The following CYP2E1 variants were observed in gnomAD, a reference collection of about 807,000 sequenced individuals.
CYP2E1 encodes cytochrome P450 2E1.
A neutral mutation model predicts 42.9 loss-of-function variants in CYP2E1; 31 were observed. The ratio of observed to expected loss-of-function variants is 0.72; its 90% confidence interval spans 0.54 to 0.98. The LOEUF is 0.98. Among genes scored for constraint, CYP2E1 ranks in the 50% least tolerant of loss-of-function variants. The pLI is 0.00. For synonymous variants in CYP2E1, 244 were observed against 248.9 expected (o/e 0.98, Z 0.19); for missense variants, 565 against 633.2 (o/e 0.89, Z 1.16).
chr10:133,532,174 A>G lies in CYP2E1; in HGVS notation c.538A>G (p.Ile180Val), dbSNP rs1851346672. Residue 180 changes from isoleucine (I) to valine (V), a missense_variant, in exon 4 of 9, where the codon ATA becomes GTA. Coordinates refer to ENST00000252945, the MANE Select transcript of CYP2E1 (RefSeq NM_000773.4). ...CATCGGCTGCGCGCCCTGCAACGTC[A>G]TAGCCGACATCCTCTTCCGCAAGCA... ...FLIGCAPCNV[I>V]ADILFRKHFD... The G allele has an allele frequency of 6.2e-7, 1 of 1,614,018 alleles. No homozygotes were observed. Among genetic ancestry groups the G allele is most frequent in the Non-Finnish European group, 8.5e-7 (1 of 1,180,008 alleles).
At chr10:133,536,088 T>C (rs2133598916) in intron 6 of CYP2E1, among the ~76,000 whole-genome samples, 2 of 152,328 alleles carry the variant, frequency 1.3e-5, no homozygotes, top group South Asian at 2.1e-4. Context: ...GTAAACCCCC[T>C]TCATACTCAG....
chr10:133,527,413 C>A lies in CYP2E1; in HGVS notation c.18C>A (p.Val6=). 6.2e-7 allele frequency: 1 copy of A among 1,611,064 alleles called. No homozygotes were observed. The highest frequency in any genetic ancestry group is 8.5e-7 in the Non-Finnish European group (1 of 1,178,618). Residue 6 remains valine (V), a synonymous_variant, in exon 1 of 9, where the codon GTC becomes GTA. Coordinates refer to ENST00000252945, the MANE Select transcript of CYP2E1 (RefSeq NM_000773.4). MSALG[V]TVALLVWAAF... ...GCGGCACCATGTCTGCCCTCGGAGTCACCGTGGCCCTGCTGGTGTGGGCGG... is the reference window on the plus strand; with the variant it reads ...GCGGCACCATGTCTGCCCTCGGAGTAACCGTGGCCCTGCTGGTGTGGGCGG...
chr10:133,531,374 GA>G (rs1851333492), intron 2 of CYP2E1, among the ~76,000 whole-genome samples: 1 of 152,108 alleles, frequency 6.6e-6, no homozygotes, highest in Non-Finnish European at 1.5e-5. Flanking sequence ...AGACTGTGAG[GA>G]CCCCAGAAAG....
intron 1 of CYP2E1, 23 bp downstream of exon 1, chr10:133,527,595 T>G: frequency 1.3e-6 from 2 of 1,579,002 alleles, no homozygotes; most frequent in Non-Finnish European, 1.7e-6. Context: ...GTGTTGATTT[T>G]AGGGAGAATA....
At chr10:133,531,826 C>T (rs1851341367) in intron 3 of CYP2E1, 92 bp downstream of exon 3, 1 of 1,324,734 alleles carries the variant, frequency 7.5e-7, no homozygotes, top group African/African-American at 1.5e-5. Context: ...ATCTGAACCA[C>T]AGGGACCTAC....
rs1851298642 is a variant in CYP2E1 at position 133,528,489 on chromosome 10, G to T, written c.186G>T (p.Gln62His). Residue 62 changes from glutamine (Q) to histidine (H), a missense_variant, in exon 2 of 9, where the codon CAG becomes CAT. Gln to His is a conservative substitution (Grantham distance 24, BLOSUM62 0). Coordinates refer to ENST00000252945, the MANE Select transcript of CYP2E1 (RefSeq NM_000773.4). Reference sequence around the variant, plus strand: ...GCCACGGGTCTCCGCAGTTGGCCCAGCGCTTCGGGCCGGTGTTCACGCTGT... The same window carrying T: ...GCCACGGGTCTCCGCAGTTGGCCCATCGCTTCGGGCCGGTGTTCACGCTGT... ...NIPKSFTRLA[Q>H]RFGPVFTLYV... is the part of the protein sequence containing the mutation. The T allele has an allele frequency of 6.2e-7, 1 of 1,612,926 alleles. No homozygotes were observed. Among genetic ancestry groups the T allele is most frequent in the Non-Finnish European group, 8.5e-7 (1 of 1,179,888 alleles).
At chr10:133,533,015 C>T in intron 5 of CYP2E1, 147 bp downstream of exon 5, 1 of 793,190 alleles carries the variant, frequency 1.3e-6, no homozygotes, top group East Asian at 3.0e-5. Context: ...TTGGCTTCAG[C>T]ATGACCACTG....
intron 6 of CYP2E1, 121 bp from the exon 7 acceptor site, chr10:133,536,941 TG>T: frequency 1.4e-6 from 1 of 729,968 alleles, no homozygotes; most frequent in Non-Finnish European, 2.3e-6. Flanking sequence ...GATGGAGGGG[TG>T]GATGGATGTG....
intron 2 of CYP2E1, among the ~76,000 whole-genome samples, chr10:133,530,206 A>C (rs1190453971): frequency 6.6e-6 from 1 of 152,196 alleles, no homozygotes; most frequent in African/African-American, 2.4e-5. Context: ...ACAATGATGG[A>C]AATATTCCTT....
chr10:133,532,641 A>G (rs1006220968), intron 4 of CYP2E1, 51 bp from the exon 5 acceptor site: 1 of 1,461,730 alleles, frequency 6.8e-7, no homozygotes, highest in Non-Finnish European at 9.3e-7. Context: ...CAACACACAC[A>G]ATTATGTTGC....
intron 2 of CYP2E1, among the ~76,000 whole-genome samples, chr10:133,529,119 T>C (rs1851308180): frequency 6.6e-6 from 1 of 152,204 alleles, no homozygotes; most frequent in Admixed American, 6.5e-5. Context: ...GATGTCCCGC[T>C]GGGGTGGATG....
At position 133,532,180 on chromosome 10, in the gene CYP2E1, G is replaced by A. The variant is rs76138620; in HGVS notation, c.544G>A (p.Asp182Asn). The A allele has an allele frequency of 3.0e-5, 48 of 1,613,850 alleles. No homozygotes were observed. The highest frequency in any genetic ancestry group is 1.6e-4 in the Middle Eastern group (1 of 6,084). The change falls in exon 4 of 9, where the codon GAC (aspartate) becomes AAC (asparagine). Residue 182 changes from aspartate to asparagine, a missense_variant. By Grantham distance (23) the Asp-to-Asn change is conservative. Coordinates refer to ENST00000252945, the MANE Select transcript of CYP2E1 (RefSeq NM_000773.4). ...IGCAPCNVIADILFRKHFDYN... is the reference protein window; with the variant it reads ...IGCAPCNVIANILFRKHFDYN... The stretch of plus-strand genomic sequence containing the variant: ...CTGCGCGCCCTGCAACGTCATAGCC[G>A]ACATCCTCTTCCGCAAGCATTTTGA...
rs28371740 is a variant in CYP2E1, at chr10:133,528,597, G to C, written c.294G>C (p.Ser98=). 1 of 1,613,334 alleles carries C rather than the reference G, an allele frequency of 6.2e-7. No homozygotes were observed. The highest frequency in any genetic ancestry group is 8.5e-7 in the Non-Finnish European group (1 of 1,179,996). ...EALLDYKDEF[S]GRGDLPAFHA... is the part of the protein sequence containing the mutation. ...TGCTGGACTACAAGGACGAGTTCTCGGGCAGAGGCGACCTCCCCGCGTTCC... is the reference window on the plus strand; with the variant it reads ...TGCTGGACTACAAGGACGAGTTCTCCGGCAGAGGCGACCTCCCCGCGTTCC... Residue 98 remains serine (S), a synonymous_variant, in exon 2 of 9, where the codon TCG becomes TCC. Coordinates refer to ENST00000252945, the MANE Select transcript of CYP2E1 (RefSeq NM_000773.4).
At chr10:133,529,504 G>T (rs1851312305) in intron 2 of CYP2E1, among the ~76,000 whole-genome samples, 1 of 152,266 alleles carries the variant, frequency 6.6e-6, no homozygotes, top group South Asian at 2.1e-4. Context: ...CAACTTTGAT[G>T]ACGAGGCTCC....
intron 6 of CYP2E1, 95 bp downstream of exon 6, chr10:133,533,992 T>A: frequency 7.3e-7 from 1 of 1,360,918 alleles, no homozygotes; most frequent in Non-Finnish European, 1.0e-6. Flanking sequence ...TGTCTGAAGC[T>A]GCTTGTTAAC....
chr10:133,534,375 C>T (rs1390016956), intron 6 of CYP2E1, among the ~76,000 whole-genome samples: 1 of 124,270 alleles, frequency 8.0e-6, no homozygotes, highest in South Asian at 2.7e-4. Flanking sequence ...GACCCTTGTT[C>T]CTTCCACAGG....
At chr10:133,533,620 G>A in intron 5 of CYP2E1, 136 bp from the exon 6 acceptor site, 1 of 1,006,548 alleles carries the variant, frequency 9.9e-7, no homozygotes, top group Non-Finnish European at 1.5e-6. Context: ...GTCTGTCACA[G>A]CTCCAAGTCA....
chr10:133,532,307 T>C (rs6413421), intron 4 of CYP2E1, 23 bp downstream of exon 4: 78,599 of 1,605,964 alleles, frequency 0.049, 2,316 homozygotes, highest in Middle Eastern at 0.088. Flanking sequence ...TCCTCTTTCA[T>C]CAGTCATCAA....
At position 133,528,614 on chromosome 10, in the gene CYP2E1, C is replaced by G. The variant is rs543855005; in HGVS notation, c.311C>G (p.Pro104Arg). The G allele has an allele frequency of 1.9e-6, 3 of 1,613,236 alleles. No individual in the cohort carries two copies. In the African/African-American group the frequency reaches 4.0e-5, roughly 22 times the overall value. The change falls in exon 2 of 9, where the codon CCC becomes CGC. Residue 104 changes from proline to arginine, a missense_variant. Physicochemically the swap from Pro to Arg is moderately radical, Grantham distance 103. Transcript: ENST00000252945. ...GAGTTCTCGGGCAGAGGCGACCTCC[C>G]CGCGTTCCATGCGCACAGGGACAGG... ...KDEFSGRGDL[P>R]AFHAHRDRGI...
Sources: gnomAD v4.1 joint callset for allele counts (sites outside exome capture counted in the v4.1 genomes callset) on GRCh38, gnomAD v4.1.1 for gene constraint, MANE v1.5 for transcripts, NCBI Gene and HGNC (gene_info 2026-07-23, HGNC 2026-07-21) for gene names.